The following SLC2A13 variants were observed in gnomAD, a reference collection of about 807,000 sequenced individuals.
SLC2A13 encodes solute carrier family 2 member 13.
A neutral mutation model predicts 64.4 loss-of-function variants in SLC2A13; 32 were observed. That is an observed-to-expected ratio of 0.50 (90% CI 0.37 to 0.67). The LOEUF (loss-of-function observed/expected upper bound fraction) is 0.67, where lower values mean the gene tolerates loss of function less well. Ranked by LOEUF, SLC2A13 falls within the 30% of genes least tolerant of loss-of-function variation. The pLI, the probability that SLC2A13 is intolerant of heterozygous loss-of-function variation, is 0.00. For missense variants in SLC2A13, 743 were observed against 829.2 expected (o/e 0.90, Z 1.28); for synonymous variants, 338 against 327.1 (o/e 1.03, Z -0.36).
Position 39,896,706 on chromosome 12 carries a change from T to C in SLC2A13, c.1035-24745A>G, listed in dbSNP as rs150217964. On this transcript the variant is annotated intron_variant, in intron 4 of 9. Transcript: ENST00000280871. ...TCCCTCGTTATCTGCAATTTAAGAC[T>C]TCAAGTATTTTATAGTATACCCTAA... Among the ~76,000 whole-genome samples, 58 of 152,120 alleles carry C rather than the reference T, an allele frequency of 3.8e-4. No individual in the cohort carries two copies. The East Asian group carries it at 0.011, about 29-fold the overall frequency.
chr12:39,853,624 G>A (rs1173531608), intron 6 of SLC2A13, among the ~76,000 whole-genome samples: 2 of 114,402 alleles, frequency 1.7e-5, no homozygotes, highest in Non-Finnish European at 3.6e-5. Flanking sequence ...TTTTTGTTAA[G>A]TAATTTTCCT....
intron 3 of SLC2A13, among the ~76,000 whole-genome samples, chr12:39,982,613 C>A (rs1486294430): frequency 2.0e-5 from 3 of 149,656 alleles, no homozygotes; most frequent in South Asian, 2.1e-4. Flanking sequence ...AGGAATCCAA[C>A]TTACAAGGGA....
In SLC2A13 at chr12:40,074,166, ATTT is replaced by A. The variant is rs34071336; in HGVS notation, c.557-25959_557-25957del. ...CAGTCTATTAAAGCCCATCAAAGAC[ATTT>A]TTTTTTTTTTTTTTGAGTCGGAGTC... On this transcript the variant is annotated intron_variant, in intron 1 of 9. Transcript: ENST00000280871. Among the ~76,000 whole-genome samples the A allele has an allele frequency of 4.0e-3, 488 of 121,868 alleles. 3 individuals are homozygous for A. Among genetic ancestry groups the A allele is most frequent in the African/African-American group, 0.013 (443 of 33,192 alleles). 80.0% of individuals were successfully genotyped at this position (121,868 alleles called of 152,430 possible).
intron 7 of SLC2A13, among the ~76,000 whole-genome samples, chr12:39,821,991 C>A (rs1464720735): frequency 6.6e-6 from 1 of 151,744 alleles, no homozygotes. Context: ...CATATGTATA[C>A]ATGTGACATG....
In SLC2A13 at chr12:39,986,796, A is replaced by G. The variant is rs200222350; in HGVS notation, c.926-35431T>C. Among the ~76,000 whole-genome samples the G allele has an allele frequency of 9.9e-5, 15 of 152,052 alleles. No homozygotes were observed. In the East Asian group the frequency reaches 1.9e-3, roughly 20 times the overall value. Reference sequence around the variant, plus strand: ...TTCAAAGAGAACAAATCTCAGGCATATCTATGGTGCTTGCCAACAGTCTGA... The same window carrying G: ...TTCAAAGAGAACAAATCTCAGGCATGTCTATGGTGCTTGCCAACAGTCTGA... On this transcript the variant is annotated intron_variant, in intron 3 of 9. Coordinates refer to ENST00000280871, the MANE Select transcript of SLC2A13 (RefSeq NM_052885.4).
At chr12:39,832,530 C>G (rs949657093) in intron 6 of SLC2A13, among the ~76,000 whole-genome samples, 1 of 152,008 alleles carries the variant, frequency 6.6e-6, no homozygotes, top group Non-Finnish European at 1.5e-5. Context: ...ACCACTCATC[C>G]AAGCGTGACC....
At chr12:39,964,499 G>T (rs1485923587) in intron 3 of SLC2A13, among the ~76,000 whole-genome samples, 2 of 152,176 alleles carry the variant, frequency 1.3e-5, no homozygotes, top group Non-Finnish European at 2.9e-5. Context: ...AAATGGTTAT[G>T]GAAGAATGTA....
At chr12:40,010,087 T>G (rs1480254087) in intron 3 of SLC2A13, among the ~76,000 whole-genome samples, 1 of 152,204 alleles carries the variant, frequency 6.6e-6, no homozygotes, top group Non-Finnish European at 1.5e-5. Context: ...AGAAAACATA[T>G]GCACTGAAAA....
chr12:39,978,500 G>A (rs2136142471), intron 3 of SLC2A13, among the ~76,000 whole-genome samples: 1 of 152,340 alleles, frequency 6.6e-6, no homozygotes, highest in South Asian at 2.1e-4. Context: ...GCGAGGCATT[G>A]CCTCACCTGG....
At chr12:39,810,626 G>A (rs1942128140) in intron 7 of SLC2A13, among the ~76,000 whole-genome samples, 2 of 152,140 alleles carry the variant, frequency 1.3e-5, no homozygotes, top group African/African-American at 4.8e-5. Flanking sequence ...GAGATGTTAT[G>A]TATCAGGTCG....
intron 4 of SLC2A13, among the ~76,000 whole-genome samples, chr12:39,899,768 A>G (rs1945034044): frequency 6.6e-6 from 1 of 152,098 alleles, no homozygotes; most frequent in Non-Finnish European, 1.5e-5. Flanking sequence ...CAGGTTGTTC[A>G]GTTTCCATGT....
intron 1 of SLC2A13, among the ~76,000 whole-genome samples, chr12:40,077,168 T>C (rs770262865): frequency 1.3e-5 from 2 of 152,182 alleles, no homozygotes; most frequent in Non-Finnish European, 2.9e-5. Flanking sequence ...AGATCCTATT[T>C]CTCAATTTTT....
intron 3 of SLC2A13, among the ~76,000 whole-genome samples, chr12:39,970,642 T>A (rs1259781779): frequency 6.6e-6 from 1 of 152,198 alleles, no homozygotes; most frequent in Non-Finnish European, 1.5e-5. Flanking sequence ...CTCTTTTACT[T>A]CCAAAGTTCA....
chr12:39,812,337 T>TTTTTCTTTTCTTTCTTTTC (rs1555239890), intron 7 of SLC2A13, among the ~76,000 whole-genome samples: 2 of 135,188 alleles, frequency 1.5e-5, no homozygotes, highest in African/African-American at 6.1e-5. Context: ...ACTAATTTCT[T>TTTTTCTTTTCTTTCTTTTC]TTTTCTTTTC....
chr12:39,927,978 A>G (rs1288969324), intron 4 of SLC2A13, among the ~76,000 whole-genome samples: 1 of 152,212 alleles, frequency 6.6e-6, no homozygotes, highest in Non-Finnish European at 1.5e-5. Flanking sequence ...AAATTAAATT[A>G]TCTATATAAC....
intron 4 of SLC2A13, among the ~76,000 whole-genome samples, chr12:39,898,986 C>A (rs1210589363): frequency 6.6e-6 from 1 of 152,120 alleles, no homozygotes; most frequent in African/African-American, 2.4e-5. Context: ...CAGGATGATG[C>A]TGGCCTCATA....
At chr12:39,865,090 G>A (rs937915408) in intron 5 of SLC2A13, among the ~76,000 whole-genome samples, 3 of 152,174 alleles carry the variant, frequency 2.0e-5, no homozygotes. Flanking sequence ...TTCATTGTGA[G>A]ACATGATGAG....
At chr12:39,884,515 A>G (rs1229865858) in intron 4 of SLC2A13, among the ~76,000 whole-genome samples, 1 of 152,212 alleles carries the variant, frequency 6.6e-6, no homozygotes, top group East Asian at 1.9e-4. Flanking sequence ...AAATAAGTAC[A>G]TCATGGCCAA....
intron 4 of SLC2A13, among the ~76,000 whole-genome samples, chr12:39,902,555 C>T (rs1359756195): frequency 6.6e-6 from 1 of 151,794 alleles, no homozygotes; most frequent in Non-Finnish European, 1.5e-5. Context: ...ACCAGGTGTA[C>T]TAAAAATAAA....
Sources: allele counts gnomAD v4.1 joint callset (sites outside exome capture counted in the v4.1 genomes callset), GRCh38; gene constraint gnomAD v4.1.1; transcripts MANE v1.5; gene names NCBI Gene and HGNC (gene_info 2026-07-23, HGNC 2026-07-21).